Variants in PDE1A observed in about 807,000 individuals in gnomAD.
PDE1A encodes dual specificity calcium/calmodulin-dependent 3',5'-cyclic nucleotide phosphodiesterase 1A.
Under a neutral mutation model 61.7 loss-of-function variants are expected in PDE1A, and 35 were observed. That is an observed-to-expected ratio of 0.57 (90% CI 0.43 to 0.75). PDE1A has a LOEUF of 0.75. PDE1A is among the 30% of genes least tolerant of loss of function. The probability of loss-of-function intolerance (pLI) is 0.00; values close to 1 mark genes in which losing one functional copy is unlikely to be tolerated. For synonymous variants in PDE1A, 232 were observed against 213.2 expected (o/e 1.09, Z -0.77); for missense variants, 597 against 630.6 (o/e 0.95, Z 0.57).
At chr2:182,363,707 C>T (rs538552317) in intron 1 of PDE1A, among the ~76,000 whole-genome samples, 220 of 152,178 alleles carry the variant, frequency 1.4e-3, no homozygotes, top group Non-Finnish European at 2.7e-3. Flanking sequence ...TTCTCCAATA[C>T]CATTTTCTGC....
At chr2:182,146,088 T>G (rs946802226), downstream of PDE1A, among the ~76,000 whole-genome samples, 25 of 152,196 alleles carry the variant, frequency 1.6e-4, no homozygotes, top group African/African-American at 5.3e-4. Flanking sequence ...TTAAGACATC[T>G]CCATTGTAAA....
intron 1 of PDE1A, among the ~76,000 whole-genome samples, chr2:182,361,768 C>T (rs940990053): frequency 2.6e-5 from 4 of 151,872 alleles, no homozygotes; most frequent in African/African-American, 9.7e-5. Context: ...ACACTTTTTT[C>T]GCACTTTTTA....
chr2:182,331,796 C>T (rs1485834832), intron 1 of PDE1A, among the ~76,000 whole-genome samples: 2 of 152,178 alleles, frequency 1.3e-5, no homozygotes, highest in Non-Finnish European at 2.9e-5. Context: ...TCCTTCATTT[C>T]AACCTTGGTG....
intron 1 of PDE1A, among the ~76,000 whole-genome samples, chr2:182,265,131 T>C (rs376843055): frequency 6.6e-6 from 1 of 151,152 alleles, no homozygotes; most frequent in Non-Finnish European, 1.5e-5. Context: ...GGGTGTGGGA[T>C]AAAACACTAT....
chr2:182,240,044 G>GA (rs1180409461), intron 3 of PDE1A, 66 bp downstream of exon 3: 1 of 1,426,910 alleles, frequency 7.0e-7, no homozygotes, highest in Non-Finnish European at 9.7e-7. Flanking sequence ...TCATACCCTT[G>GA]AAAAAATGAA....
intron 13 of PDE1A, among the ~76,000 whole-genome samples, chr2:182,185,092 T>C (rs998936543): frequency 2.0e-5 from 3 of 152,152 alleles, no homozygotes; most frequent in African/African-American, 7.2e-5. Context: ...AAAAGTAAGT[T>C]TATTCCTGAG....
At chr2:182,367,435 A>G (rs1471179261) in intron 1 of PDE1A, among the ~76,000 whole-genome samples, 3 of 152,120 alleles carry the variant, frequency 2.0e-5, no homozygotes, top group African/African-American at 7.2e-5. Flanking sequence ...AGTTCAAACC[A>G]GCATTAAAAA....
the PDE1A span, among the ~76,000 whole-genome samples, chr2:182,658,537 T>C: frequency 6.6e-6 from 1 of 152,232 alleles, no homozygotes. Context: ...TCTTTTTAAG[T>C]GATGCAGTTC....
chr2:182,357,302 G>C (rs1167060537), intron 1 of PDE1A, among the ~76,000 whole-genome samples: 1 of 151,886 alleles, frequency 6.6e-6, no homozygotes, highest in East Asian at 1.9e-4. Flanking sequence ...AACAAACAAA[G>C]AGAGAAATGG....
the PDE1A span, among the ~76,000 whole-genome samples, chr2:182,623,319 T>G: frequency 1.3e-5 from 2 of 152,138 alleles, no homozygotes; most frequent in African/African-American, 2.4e-5. Context: ...CAGAAAGACA[T>G]AGTACACTTC....
At chr2:182,242,639 C>A (rs1574124174) in intron 2 of PDE1A, among the ~76,000 whole-genome samples, 1 of 152,112 alleles carries the variant, frequency 6.6e-6, no homozygotes, top group Admixed American at 6.6e-5. Flanking sequence ...AGATTACCCT[C>A]TAAATTATGG....
chr2:182,238,788 C>T (rs1690270544), intron 3 of PDE1A, among the ~76,000 whole-genome samples: 2 of 152,116 alleles, frequency 1.3e-5, no homozygotes, highest in Admixed American at 6.6e-5. Context: ...TTTTATGTAA[C>T]ATATGAAAAA....
At chr2:182,406,856 T>C (rs902799250) in intron 1 of PDE1A, among the ~76,000 whole-genome samples, 4 of 152,086 alleles carry the variant, frequency 2.6e-5, no homozygotes, top group African/African-American at 9.7e-5. Context: ...ATTTTATTTA[T>C]ACAAAAGTGA....
chr2:182,473,512 C>T (rs1413662630), intron 2 of PDE1A, among the ~76,000 whole-genome samples: 5 of 151,652 alleles, frequency 3.3e-5, no homozygotes, highest in African/African-American at 9.7e-5. Flanking sequence ...CTTTTAAGTT[C>T]AGGGGTACAT....
chr2:182,556,681 C>T, the PDE1A span, among the ~76,000 whole-genome samples: 1 of 152,138 alleles, frequency 6.6e-6, no homozygotes, highest in Non-Finnish European at 1.5e-5. Context: ...ATGATGAATG[C>T]ACTGCCCTAA....
chr2:182,225,398 T>C (rs1305909196), intron 6 of PDE1A, among the ~76,000 whole-genome samples: 1 of 151,950 alleles, frequency 6.6e-6, no homozygotes, highest in African/African-American at 2.4e-5. Flanking sequence ...GCAGTGACAA[T>C]TGTTGAATCT....
At chr2:182,687,279 C>T in the PDE1A span, among the ~76,000 whole-genome samples, 3 of 152,166 alleles carry the variant, frequency 2.0e-5, no homozygotes, top group Non-Finnish European at 4.4e-5. Context: ...TGGGAGGCAC[C>T]CCCCAGTAGG....
At chr2:182,404,997 C>T (rs1384153335) in intron 1 of PDE1A, among the ~76,000 whole-genome samples, 5 of 152,132 alleles carry the variant, frequency 3.3e-5, no homozygotes, top group East Asian at 1.9e-4. Context: ...ATTATATGTG[C>T]TCTACTTTTA....
chr2:182,279,543 C>T (rs111707277), intron 1 of PDE1A, among the ~76,000 whole-genome samples: 7 of 151,870 alleles, frequency 4.6e-5, no homozygotes, highest in Admixed American at 1.3e-4. Flanking sequence ...TCCTTTACAG[C>T]TTCAATGGTA....
Sources: gnomAD v4.1 joint callset for allele counts (sites outside exome capture counted in the v4.1 genomes callset) on GRCh38, gnomAD v4.1.1 for gene constraint, MANE v1.5 for transcripts, NCBI Gene and HGNC (gene_info 2026-07-23, HGNC 2026-07-21) for gene names.